Variants in MGAT4C observed in about 807,000 individuals in gnomAD.
MGAT4C encodes MGAT4 family member C.
MGAT4C carries 19 observed loss-of-function variants against 40.1 expected under a neutral mutation model. The ratio of observed to expected loss-of-function variants is 0.47; its 90% CI spans 0.33 to 0.70. The LOEUF is 0.70. Ranked by LOEUF, MGAT4C falls within the 30% of genes least tolerant of loss-of-function variation. The pLI, the probability that MGAT4C is intolerant of heterozygous loss-of-function variation, is 0.02. For missense variants in MGAT4C, 491 were observed against 563.2 expected, an observed-to-expected ratio of 0.87 and a Z score of 1.30; for synonymous variants, 181 against 187.1, an observed-to-expected ratio of 0.97 and a Z score of 0.27.
Position 86,028,007 on chromosome 12 carries a change from T to C in MGAT4C, c.-7+21667A>G, listed in dbSNP as rs1190966972. ...ACATTTTCCATTGACCTAAGTTGTA[T>C]ACATTCTCCAGGCTTTGAAAATCAA... On this transcript the variant is annotated intron_variant, in intron 2 of 4. Transcript: ENST00000611864. 1.6e-5 allele frequency: 9 copies of C among 569,060 alleles called. No individual in the cohort carries two copies. In the Admixed American group the frequency reaches 2.7e-4, roughly 17 times the overall value. 35.3% of individuals were successfully genotyped at this position (569,060 alleles called of 1,614,324 possible).
At chr12:86,196,517 G>A (rs139978749) in intron 1 of MGAT4C, among the ~76,000 whole-genome samples, 4 of 152,320 alleles carry the variant, frequency 2.6e-5, no homozygotes, top group Non-Finnish European at 4.4e-5. Context: ...GGTATGTGAT[G>A]GGAGTAGCAA....
rs981079557 is a variant in MGAT4C at position 86,766,782 on chromosome 12, A to G, written c.-261-39541T>C. On this transcript the variant is annotated intron_variant, in intron 1 of 7. Transcript: ENST00000548651. Reference sequence around the variant, plus strand: ...CCTGAATGACTACTGGGTACATAACAAAATGAAGGCAGAAATAAAGATGTT... The same window carrying G: ...CCTGAATGACTACTGGGTACATAACGAAATGAAGGCAGAAATAAAGATGTT... 3.9e-4 allele frequency among the ~76,000 whole-genome samples: 60 copies of G among 152,142 alleles called. 1 individual carries two copies. Among genetic ancestry groups the G allele is most frequent in the African/African-American group, 2.9e-4 (12 of 41,542 alleles).
At chr12:86,059,688 T>A (rs1893746622) in intron 1 of MGAT4C, among the ~76,000 whole-genome samples, 1 of 152,198 alleles carries the variant, frequency 6.6e-6, no homozygotes, top group South Asian at 2.1e-4. Flanking sequence ...GCAGATCTTT[T>A]AGCACAACCA....
chr12:86,386,455 A>C (rs1361177184), intron 3 of MGAT4C, among the ~76,000 whole-genome samples: 1 of 152,196 alleles, frequency 6.6e-6, no homozygotes, highest in African/African-American at 2.4e-5. Flanking sequence ...CTGATGAATA[A>C]GCTTCCCTTG....
intron 3 of MGAT4C, among the ~76,000 whole-genome samples, chr12:86,426,294 C>T (rs1169846414): frequency 6.6e-6 from 1 of 152,074 alleles, no homozygotes; most frequent in African/African-American, 2.4e-5. Context: ...ATTCGTTTAC[C>T]GATTGGCTCA....
intron 2 of MGAT4C, among the ~76,000 whole-genome samples, chr12:86,644,870 G>A (rs898506452): frequency 3.3e-5 from 5 of 151,652 alleles, no homozygotes; most frequent in Non-Finnish European, 4.4e-5. Context: ...GAAGACAAGA[G>A]CATTTATTTA....
At chr12:86,073,113 T>C (rs1868904405) in intron 1 of MGAT4C, among the ~76,000 whole-genome samples, 1 of 152,246 alleles carries the variant, frequency 6.6e-6, no homozygotes, top group African/African-American at 2.4e-5. Flanking sequence ...GGGGGTGGTT[T>C]TCCTCACACT....
rs1021016842 is a variant in MGAT4C at position 86,365,765 on chromosome 12, C to T, written c.-119-31638G>A. On this transcript the variant is annotated intron_variant, in intron 3 of 7. Coordinates refer to the MGAT4C transcript ENST00000548651. ...GGGTCCTCTATTCTGTTCTATTGGT[C>T]TTGTTTCTGTTTTTGCACCAGTACC... Among the ~76,000 whole-genome samples, 97 of 146,572 alleles carry T rather than the reference C, an allele frequency of 6.6e-4. 1 individual carries two copies. The highest frequency in any genetic ancestry group is 2.1e-3 in the African/African-American group (84 of 39,558).
intron 2 of MGAT4C, among the ~76,000 whole-genome samples, chr12:86,504,912 G>T (rs1958443858): frequency 6.6e-6 from 1 of 152,114 alleles, no homozygotes; most frequent in Admixed American, 6.6e-5. Context: ...TTCACAAAGT[G>T]CTGGGATTAC....
intron 2 of MGAT4C, among the ~76,000 whole-genome samples, chr12:86,459,268 CT>C (rs1415122963): frequency 6.6e-6 from 1 of 152,090 alleles, no homozygotes; most frequent in Non-Finnish European, 1.5e-5. Flanking sequence ...GTATAACTCT[CT>C]TATCTTGAGT....
intron 1 of MGAT4C, among the ~76,000 whole-genome samples, chr12:86,815,723 T>C (rs1016063173): frequency 1.1e-4 from 17 of 151,662 alleles, no homozygotes; most frequent in East Asian, 3.9e-4. Context: ...CTGGATGGGA[T>C]TGGAGACTAT....
chr12:86,739,605 A>C (rs1361742921), intron 1 of MGAT4C, among the ~76,000 whole-genome samples: 1 of 151,006 alleles, frequency 6.6e-6, no homozygotes, highest in Non-Finnish European at 1.5e-5. Context: ...AACAATACAG[A>C]ATAATAACAA....
intron 1 of MGAT4C, among the ~76,000 whole-genome samples, chr12:86,171,040 G>A (rs1053370235): frequency 1.3e-5 from 2 of 152,218 alleles, no homozygotes; most frequent in African/African-American, 2.4e-5. Flanking sequence ...GATACTCTGA[G>A]ACTTTTCAAT....
chr12:86,514,569 A>G (rs955538845), intron 2 of MGAT4C, among the ~76,000 whole-genome samples: 1 of 152,046 alleles, frequency 6.6e-6, no homozygotes, highest in Admixed American at 6.6e-5. Flanking sequence ...CCAGCAAAAT[A>G]TGTTTCAGTT....
intron 1 of MGAT4C, among the ~76,000 whole-genome samples, chr12:86,739,878 A>G (rs1310757241): frequency 6.6e-6 from 1 of 150,816 alleles, no homozygotes; most frequent in East Asian, 1.9e-4. Flanking sequence ...ACACACATAT[A>G]TATACACACA....
intron 2 of MGAT4C, among the ~76,000 whole-genome samples, chr12:86,609,255 G>A (rs980871210): frequency 6.6e-6 from 1 of 152,076 alleles, no homozygotes; most frequent in East Asian, 1.9e-4. Context: ...AATTGACTCA[G>A]AATAAGGACA....
intron 2 of MGAT4C, among the ~76,000 whole-genome samples, chr12:86,711,193 T>C (rs1157501439): frequency 6.6e-6 from 1 of 151,960 alleles, no homozygotes; most frequent in Non-Finnish European, 1.5e-5. Context: ...AATAAAAATA[T>C]AAATTAGTTA....
In MGAT4C at chr12:86,799,937, A is replaced by G. The variant is rs560864600; in HGVS notation, c.-262+38729T>C. On this transcript the variant is annotated intron_variant, in intron 1 of 7. Coordinates refer to the MGAT4C transcript ENST00000548651. The stretch of plus-strand genomic sequence containing the variant: ...CCTTTGTGTTATATATAATTGTTTT[A>G]TGTTAGGCAGATGCATTGAGTTGTT... Among the ~76,000 whole-genome samples, 7 of 152,006 alleles carry G rather than the reference A, an allele frequency of 4.6e-5. No homozygotes were observed. In the South Asian group the frequency reaches 1.5e-3, roughly 31 times the overall value.
At chr12:86,250,472 C>T (rs933912544) in intron 1 of MGAT4C, among the ~76,000 whole-genome samples, 6 of 151,660 alleles carry the variant, frequency 4.0e-5, no homozygotes, top group African/African-American at 1.5e-4. Flanking sequence ...AATTCTATCA[C>T]CACTTCATCA....
Sources: allele counts gnomAD v4.1 joint callset (sites outside exome capture counted in the v4.1 genomes callset), GRCh38; gene constraint gnomAD v4.1.1; transcripts MANE v1.5; gene names NCBI Gene and HGNC (gene_info 2026-07-23, HGNC 2026-07-21).